The following SHISA9 variants were observed in gnomAD, a reference collection of about 807,000 sequenced individuals.
SHISA9 encodes shisa family member 9.
Under a neutral mutation model 38.0 loss-of-function variants are expected in SHISA9, and 13 were observed. The observed-to-expected ratio is 0.34, with a 90% CI of 0.22 to 0.54. The LOEUF (loss-of-function observed/expected upper bound fraction) is 0.54, where lower values mean the gene tolerates loss of function less well. SHISA9 is among the 20% of genes least tolerant of loss of function. The pLI is 0.91. For missense variants in SHISA9, 538 were observed against 575.8 expected (o/e 0.93, Z 0.67); for synonymous variants, 275 against 242.0 (o/e 1.14, Z -1.27).
At chr16:13,522,609 G>A in the SHISA9 span, among the ~76,000 whole-genome samples, 1 of 152,108 alleles carries the variant, frequency 6.6e-6, no homozygotes, top group African/African-American at 2.4e-5. Flanking sequence ...AATAAGAGCA[G>A]ACAGATTCTG....
chr16:13,527,641 A>G, the SHISA9 span, among the ~76,000 whole-genome samples: 10 of 152,342 alleles, frequency 6.6e-5, no homozygotes, highest in Admixed American at 4.6e-4. Context: ...AGAGAAGTTC[A>G]TATAACAGAT....
chr16:13,193,370 T>C (rs1467383654), intron 2 of SHISA9, among the ~76,000 whole-genome samples: 2 of 152,132 alleles, frequency 1.3e-5, no homozygotes, highest in Admixed American at 1.3e-4. Context: ...TTTTATTTTT[T>C]AGATGGAGTC....
chr16:13,084,796 A>G (rs2073692730), intron 2 of SHISA9, among the ~76,000 whole-genome samples: 1 of 152,220 alleles, frequency 6.6e-6, no homozygotes, highest in Non-Finnish European at 1.5e-5. Flanking sequence ...AAATGGAGAT[A>G]TAAAGAATGA....
the SHISA9 span, among the ~76,000 whole-genome samples, chr16:13,384,502 A>G: frequency 2.0e-5 from 3 of 152,218 alleles, no homozygotes; most frequent in Non-Finnish European, 4.4e-5. Context: ...TAGGTTTCCA[A>G]TACCACTGTG....
At chr16:13,212,045 G>A (rs566958301) in intron 3 of SHISA9, among the ~76,000 whole-genome samples, 2 of 152,254 alleles carry the variant, frequency 1.3e-5, no homozygotes, top group South Asian at 2.1e-4. Context: ...TCAGATCCAC[G>A]GGGGGGATGT....
intron 2 of SHISA9, among the ~76,000 whole-genome samples, chr16:13,116,810 C>G (rs1000214630): frequency 6.6e-6 from 1 of 152,066 alleles, no homozygotes; most frequent in East Asian, 1.9e-4. Context: ...AACACAACCT[C>G]GAAGACTACT....
At chr16:12,950,247 C>T (rs1239149890) in intron 2 of SHISA9, among the ~76,000 whole-genome samples, 1 of 152,322 alleles carries the variant, frequency 6.6e-6, no homozygotes, top group East Asian at 1.9e-4. Context: ...ATATATACCA[C>T]ATTTTCTCTA....
At chr16:13,547,064 A>G in the SHISA9 span, among the ~76,000 whole-genome samples, 1 of 152,196 alleles carries the variant, frequency 6.6e-6, no homozygotes, top group Non-Finnish European at 1.5e-5. Context: ...TACTTCGGAG[A>G]TATCATTATG....
intron 2 of SHISA9, among the ~76,000 whole-genome samples, chr16:12,987,953 G>A (rs1869556291): frequency 6.6e-6 from 1 of 152,100 alleles, no homozygotes; most frequent in African/African-American, 2.4e-5. Flanking sequence ...TCACCCCAGG[G>A]GGCTGGTCTC....
chr16:13,132,651 C>G (rs1372312639), intron 2 of SHISA9, among the ~76,000 whole-genome samples: 1 of 152,100 alleles, frequency 6.6e-6, no homozygotes, highest in African/African-American at 2.4e-5. Flanking sequence ...GGGTCTAAAG[C>G]CATTGTCTCC....
intron 2 of SHISA9, among the ~76,000 whole-genome samples, chr16:12,918,901 C>G (rs1201561320): frequency 6.6e-6 from 1 of 152,086 alleles, no homozygotes; most frequent in African/African-American, 2.4e-5. Flanking sequence ...ATCTGAATAA[C>G]AAAAATAAGA....
intron 2 of SHISA9, among the ~76,000 whole-genome samples, chr16:13,080,913 C>A (rs1411264129): frequency 2.6e-5 from 4 of 152,162 alleles, no homozygotes; most frequent in Admixed American, 1.3e-4. Context: ...TCCTGGTTTG[C>A]AGATGGTGGC....
At chr16:13,481,040 C>G in the SHISA9 span, among the ~76,000 whole-genome samples, 3 of 152,120 alleles carry the variant, frequency 2.0e-5, no homozygotes, top group South Asian at 2.1e-4. Context: ...AAACACACAC[C>G]CAACCACAAA....
At chr16:13,355,423 G>A in the SHISA9 span, among the ~76,000 whole-genome samples, 1 of 151,740 alleles carries the variant, frequency 6.6e-6, no homozygotes, top group Non-Finnish European at 1.5e-5. Flanking sequence ...AAGGTGGGGG[G>A]ATACAAGAGG....
At chr16:13,435,491 T>C in the SHISA9 span, among the ~76,000 whole-genome samples, 1 of 152,204 alleles carries the variant, frequency 6.6e-6, no homozygotes, top group Non-Finnish European at 1.5e-5. Context: ...GGGTTTTTGT[T>C]TTTATAACTT....
the SHISA9 span, among the ~76,000 whole-genome samples, chr16:13,555,115 T>C: frequency 6.6e-6 from 1 of 152,258 alleles, no homozygotes; most frequent in Non-Finnish European, 1.5e-5. Flanking sequence ...ATCTCAGCCC[T>C]AATTTCCAAA....
At chr16:13,502,074 A>C in the SHISA9 span, among the ~76,000 whole-genome samples, 1 of 152,166 alleles carries the variant, frequency 6.6e-6, no homozygotes, top group African/African-American at 2.4e-5. Context: ...GGAAGGATGG[A>C]TATATAGATA....
chr16:13,272,784 G>A, the SHISA9 span, among the ~76,000 whole-genome samples: 5 of 152,024 alleles, frequency 3.3e-5, no homozygotes, highest in African/African-American at 9.7e-5. Flanking sequence ...CCTCCATCTC[G>A]GGAAAAACCT....
At position 13,215,659 on chromosome 16, in the gene SHISA9, G is replaced by A. The variant is rs368182883; in HGVS notation, c.895+2359G>A. On this transcript the variant is annotated intron_variant, in intron 4 of 4. Transcript: ENST00000558583. ...TTTCAGTTTAGGTTAAAAGCAAGGA[G>A]CTGTTTTCTACCCAAACCAAGCTAA... Among the ~76,000 whole-genome samples, 173 of 152,288 alleles carry A rather than the reference G, an allele frequency of 1.1e-3. 1 individual carries two copies. Among genetic ancestry groups the A allele is most frequent in the Middle Eastern group, 3.4e-3 (1 of 294 alleles).
Sources: gnomAD v4.1 joint callset for allele counts (sites outside exome capture counted in the v4.1 genomes callset) on GRCh38, gnomAD v4.1.1 for gene constraint, MANE v1.5 for transcripts, NCBI Gene and HGNC (gene_info 2026-07-23, HGNC 2026-07-21) for gene names.